ZNF804B: variants seen among roughly 807,000 people sequenced by gnomAD.
The protein encoded by ZNF804B is zinc finger protein 804B, also known as zinc finger 804B.
ZNF804B carries 80 observed loss-of-function variants against 101.4 expected under a neutral mutation model. The observed-to-expected ratio is 0.79, with a 90% CI of 0.66 to 0.95. The LOEUF (loss-of-function observed/expected upper bound fraction) is 0.95, where lower values mean the gene tolerates loss of function less well. ZNF804B is among the 40% of genes least tolerant of loss of function. The probability of loss-of-function intolerance (pLI) is 0.00; values close to 1 mark genes in which losing one functional copy is unlikely to be tolerated. For synonymous variants in ZNF804B, 622 were observed against 558.8 expected (o/e 1.11, Z -1.59); for missense variants, 1,673 against 1,561.9 (o/e 1.07, Z -1.20).
chr7:89,205,160 C>A (rs559061261), intron 1 of ZNF804B, among the ~76,000 whole-genome samples: 3 of 152,162 alleles, frequency 2.0e-5, no homozygotes, highest in East Asian at 3.9e-4. Context: ...CAGGAAAAAC[C>A]TACCCTCCAT....
intron 1 of ZNF804B, among the ~76,000 whole-genome samples, chr7:89,029,174 G>A (rs1788792669): frequency 6.6e-6 from 1 of 151,866 alleles, no homozygotes; most frequent in Admixed American, 6.6e-5. Context: ...TGCGATCTCT[G>A]CTCACTGTAA....
chr7:89,147,349 G>A (rs1790807012), intron 1 of ZNF804B, among the ~76,000 whole-genome samples: 1 of 152,042 alleles, frequency 6.6e-6, no homozygotes, highest in Admixed American at 6.6e-5. Flanking sequence ...TAAAAGGATG[G>A]TAAAGATTTC....
At chr7:89,098,646 T>C (rs758686187) in intron 1 of ZNF804B, among the ~76,000 whole-genome samples, 2 of 152,120 alleles carry the variant, frequency 1.3e-5, no homozygotes, top group African/African-American at 2.4e-5. Context: ...AAAACAATGC[T>C]AAGGTTATAG....
intron 2 of ZNF804B, among the ~76,000 whole-genome samples, chr7:89,321,474 A>G (rs559924891): frequency 3.9e-5 from 6 of 152,132 alleles, no homozygotes; most frequent in African/African-American, 1.4e-4. Flanking sequence ...GCGAGACCCC[A>G]TCTCAAAAAA....
chr7:88,831,444 G>A (rs1035369657), intron 1 of ZNF804B, among the ~76,000 whole-genome samples: 1 of 151,574 alleles, frequency 6.6e-6, no homozygotes, highest in East Asian at 1.9e-4. Flanking sequence ...CCTTATAAAC[G>A]ATGCATTTGA....
At chr7:88,761,525 T>G (rs1789896214) in intron 1 of ZNF804B, among the ~76,000 whole-genome samples, 1 of 152,216 alleles carries the variant, frequency 6.6e-6, no homozygotes, top group African/African-American at 2.4e-5. Flanking sequence ...CTTTAATGTT[T>G]AACAACTCAC....
intron 1 of ZNF804B, among the ~76,000 whole-genome samples, chr7:89,086,156 A>T (rs1293766311): frequency 1.3e-5 from 2 of 151,728 alleles, no homozygotes; most frequent in Admixed American, 1.3e-4. Flanking sequence ...TATTTATTTA[A>T]TTTACAAGCA....
intron 1 of ZNF804B, among the ~76,000 whole-genome samples, chr7:89,088,821 T>A (rs1789842890): frequency 6.6e-6 from 1 of 151,668 alleles, no homozygotes; most frequent in South Asian, 2.1e-4. Context: ...GGGAGGCAGT[T>A]GATGTTTTCT....
intron 2 of ZNF804B, among the ~76,000 whole-genome samples, chr7:89,271,554 G>C (rs943847056): frequency 6.6e-6 from 1 of 152,032 alleles, no homozygotes; most frequent in African/African-American, 2.4e-5. Context: ...TCTCTGCCAG[G>C]CTTTGGTATG....
chr7:89,230,037 T>A (rs1789165400), intron 2 of ZNF804B, among the ~76,000 whole-genome samples: 1 of 151,716 alleles, frequency 6.6e-6, no homozygotes, highest in African/African-American at 2.4e-5. Flanking sequence ...CGGCAAAGAG[T>A]GCTTAGAAAA....
chr7:88,869,236 T>G (rs1021667150), intron 1 of ZNF804B, among the ~76,000 whole-genome samples: 4 of 152,210 alleles, frequency 2.6e-5, no homozygotes, highest in African/African-American at 9.6e-5. Context: ...GGGCTAGTAT[T>G]GGTCACAACT....
At chr7:89,204,634 G>C (rs1266428452) in intron 1 of ZNF804B, among the ~76,000 whole-genome samples, 1 of 152,182 alleles carries the variant, frequency 6.6e-6, no homozygotes, top group Admixed American at 6.5e-5. Flanking sequence ...TTCATGCAAA[G>C]TAAGTCTCAT....
intron 1 of ZNF804B, chr7:88,794,511 C>T (rs1205185594): frequency 6.2e-7 from 1 of 1,613,686 alleles, no homozygotes; most frequent in South Asian, 1.1e-5. Flanking sequence ...CATGCCATTG[C>T]ATAAAAAGCC....
intron 1 of ZNF804B, among the ~76,000 whole-genome samples, chr7:89,181,934 AG>A (rs1440330934): frequency 6.6e-6 from 1 of 152,206 alleles, no homozygotes; most frequent in Non-Finnish European, 1.5e-5. Flanking sequence ...ACATCCTAAG[AG>A]ACCCTTTATA....
At chr7:89,099,954 A>G (rs1449669301) in intron 1 of ZNF804B, among the ~76,000 whole-genome samples, 6 of 152,302 alleles carry the variant, frequency 3.9e-5, no homozygotes, top group Non-Finnish European at 7.4e-5. Context: ...GTATTGGGTC[A>G]TATGGCTCAT....
chr7:89,226,844 A>G (rs143496989), intron 2 of ZNF804B, among the ~76,000 whole-genome samples: 3 of 152,224 alleles, frequency 2.0e-5, no homozygotes, highest in African/African-American at 7.2e-5. Context: ...TATTTCATCA[A>G]TTTTGCATCA....
chr7:89,229,492 A>T (rs1229320253), intron 2 of ZNF804B, among the ~76,000 whole-genome samples: 1 of 152,224 alleles, frequency 6.6e-6, no homozygotes, highest in East Asian at 1.9e-4. Context: ...TGATAAAGGA[A>T]TTATGTCTCC....
intron 1 of ZNF804B, among the ~76,000 whole-genome samples, chr7:88,879,318 G>A (rs1791998214): frequency 6.6e-6 from 1 of 152,000 alleles, no homozygotes; most frequent in Non-Finnish European, 1.5e-5. Flanking sequence ...ATTGGTTGCT[G>A]GGGAGTAAAA....
In ZNF804B at chr7:89,052,020, C is replaced by CT. The variant is rs532034566; in HGVS notation, c.109-166133dup. Among the ~76,000 whole-genome samples, 117 of 152,258 alleles carry CT rather than the reference C, an allele frequency of 7.7e-4. No individual in the cohort carries two copies. The South Asian group carries it at 0.011, about 14-fold the overall frequency. ...TTTGGGATATCTTTCATTTTACCAACTTAAAGGTTTTTTTGTTGTTAAATA... is the reference window on the plus strand; with the variant it reads ...TTTGGGATATCTTTCATTTTACCAACTTTAAAGGTTTTTTTGTTGTTAAATA... On this transcript the variant is annotated intron_variant, in intron 1 of 3. Transcript: ENST00000333190.
Sources: allele counts gnomAD v4.1 joint callset (sites outside exome capture counted in the v4.1 genomes callset), GRCh38; gene constraint gnomAD v4.1.1; transcripts MANE v1.5; gene names NCBI Gene and HGNC (gene_info 2026-07-23, HGNC 2026-07-21).